The following TMEM135 variants were observed in gnomAD, a reference collection of about 807,000 sequenced individuals.
The protein encoded by TMEM135 is peroxisomal membrane protein 52.
A neutral mutation model predicts 60.3 loss-of-function variants in TMEM135; 30 were observed. The observed-to-expected ratio is 0.50, with a 90% CI of 0.37 to 0.68. The LOEUF is 0.68. Among genes scored for constraint, TMEM135 ranks in the 30% least tolerant of loss-of-function variants. The probability of loss-of-function intolerance (pLI) is 0.00; values close to 1 mark genes in which losing one functional copy is unlikely to be tolerated. For synonymous variants in TMEM135, 190 were observed against 186.7 expected (o/e 1.02, Z -0.14); for missense variants, 468 against 548.8 (o/e 0.85, Z 1.47).
At chr11:87,114,827 T>G (rs2512337) in intron 4 of TMEM135, among the ~76,000 whole-genome samples, 3 of 151,908 alleles carry the variant, frequency 2.0e-5, no homozygotes, top group African/African-American at 7.3e-5. Flanking sequence ...TTGGAAATAA[T>G]TGTACACACT....
At chr11:87,073,247 A>T (rs1856805178) in intron 3 of TMEM135, among the ~76,000 whole-genome samples, 1 of 151,728 alleles carries the variant, frequency 6.6e-6, no homozygotes, top group African/African-American at 2.4e-5. Flanking sequence ...GTTGGCCAGT[A>T]TGGTCTTGAT....
chr11:87,103,795 A>G (rs1366643904), intron 4 of TMEM135, among the ~76,000 whole-genome samples: 1 of 151,982 alleles, frequency 6.6e-6, no homozygotes, highest in Non-Finnish European at 1.5e-5. Context: ...AGCTGGGACT[A>G]CAGCGCATGT....
intron 6 of TMEM135, among the ~76,000 whole-genome samples, chr11:87,265,246 A>G (rs1013039824): frequency 9.9e-5 from 15 of 152,060 alleles, no homozygotes; most frequent in Admixed American, 3.9e-4. Context: ...GGTTGTGATG[A>G]TTTTGGAATC....
chr11:87,049,621 C>G lies in TMEM135; in HGVS notation c.141+11435C>G, dbSNP rs1299003841. Among the ~76,000 whole-genome samples, 26 of 119,746 alleles carry G rather than the reference C, an allele frequency of 2.2e-4. 3 individuals are homozygous for G. The highest frequency in any genetic ancestry group is 1.3e-3 in the Admixed American group (16 of 12,004). The allele number at this position is 119,746 out of a possible 152,430, so 78.6% of individuals were successfully genotyped here. On this transcript the variant is annotated intron_variant, in intron 1 of 14. Coordinates refer to ENST00000305494, the MANE Select transcript of TMEM135 (RefSeq NM_022918.4). ...AATTCAACAAGAGAAGCTAACTATC[C>G]TAAATATTTATGCACCCAATACAGG... is the stretch of plus-strand genomic sequence containing the variant.
chr11:87,065,521 T>G (rs1426262540), intron 1 of TMEM135, among the ~76,000 whole-genome samples: 1 of 152,206 alleles, frequency 6.6e-6, no homozygotes, highest in Non-Finnish European at 1.5e-5. Context: ...GTTGTTTGCT[T>G]TTTATTGTTG....
In TMEM135 at chr11:87,191,985, TTC is replaced by T. The variant is rs1164678978; in HGVS notation, c.462+34581_462+34582del. On this transcript the variant is annotated intron_variant, in intron 5 of 14. Coordinates refer to ENST00000305494, the MANE Select transcript of TMEM135 (RefSeq NM_022918.4). Reference sequence around the variant, plus strand: ...TTTCTTTTGTTTCTTTTCTTTTCTTTTCTTTTTTTTTTTTTTTTTTCGAGATG... The same window carrying T: ...TTTCTTTTGTTTCTTTTCTTTTCTTTTTTTTTTTTTTTTTTTTTCGAGATG... Among the ~76,000 whole-genome samples, 15 of 122,024 alleles carry T rather than the reference TTC, an allele frequency of 1.2e-4. 1 individual carries two copies. The highest frequency in any genetic ancestry group is 3.0e-4 in the African/African-American group (9 of 30,306). The allele number at this position is 122,024 out of a possible 152,430, so 80.1% of individuals were successfully genotyped here. A position where few individuals can be genotyped will look rare whatever the true frequency, so the allele number is the denominator to read the frequency against.
At chr11:87,118,184 A>G (rs1857939176) in intron 4 of TMEM135, among the ~76,000 whole-genome samples, 1 of 152,174 alleles carries the variant, frequency 6.6e-6, no homozygotes, top group Admixed American at 6.5e-5. Flanking sequence ...GAACATGGGC[A>G]GAGTAGATTT....
At chr11:87,246,884 A>G (rs11494282) in intron 6 of TMEM135, among the ~76,000 whole-genome samples, 63,128 of 107,378 alleles carry the variant, frequency 0.59, 20,339 homozygotes, top group Middle Eastern at 0.68. Flanking sequence ...ACGTTGTTCC[A>G]TTGCTGGTGA....
At chr11:87,210,490 G>T (rs301590) in intron 5 of TMEM135, among the ~76,000 whole-genome samples, 1 of 152,012 alleles carries the variant, frequency 6.6e-6, no homozygotes, top group Non-Finnish European at 1.5e-5. Context: ...TGAACATACT[G>T]ATGATGAGTT....
chr11:87,300,819 T>C (rs779015195), intron 7 of TMEM135, among the ~76,000 whole-genome samples: 4 of 152,190 alleles, frequency 2.6e-5, no homozygotes, highest in Non-Finnish European at 5.9e-5. Context: ...TGGCAGTTCA[T>C]TGGGCTCTCC....
At chr11:87,151,129 T>TA (rs747118359) in intron 4 of TMEM135, among the ~76,000 whole-genome samples, 5 of 152,102 alleles carry the variant, frequency 3.3e-5, no homozygotes, top group Admixed American at 1.3e-4. Flanking sequence ...TGTGAGTCTC[T>TA]AAAAAATCAC....
At chr11:87,281,670 A>C (rs966032115) in intron 6 of TMEM135, among the ~76,000 whole-genome samples, 2 of 152,186 alleles carry the variant, frequency 1.3e-5, no homozygotes, top group South Asian at 4.1e-4. Flanking sequence ...CCCTGGAGAA[A>C]CTTTATACTT....
At chr11:87,182,822 C>G (rs1435001881) in intron 5 of TMEM135, among the ~76,000 whole-genome samples, 1 of 151,766 alleles carries the variant, frequency 6.6e-6, no homozygotes, top group African/African-American at 2.4e-5. Context: ...TTAAATTTTT[C>G]TCTTGAATAT....
intron 5 of TMEM135, among the ~76,000 whole-genome samples, chr11:87,221,949 G>C (rs1172468303): frequency 6.6e-6 from 1 of 152,076 alleles, no homozygotes; most frequent in Non-Finnish European, 1.5e-5. Context: ...TGTAATCCCA[G>C]AACTTTGGGA....
chr11:87,246,834 A>G (rs1290000880), intron 6 of TMEM135, among the ~76,000 whole-genome samples: 1 of 109,420 alleles, frequency 9.1e-6, no homozygotes, highest in Non-Finnish European at 2.1e-5. Context: ...GATTGTCTGA[A>G]GGCTTCTTCT....
chr11:87,058,576 C>T (rs1949915838), intron 1 of TMEM135, among the ~76,000 whole-genome samples: 1 of 151,934 alleles, frequency 6.6e-6, no homozygotes, highest in African/African-American at 2.4e-5. Context: ...AGTGATCCAC[C>T]CGCCTTGGCC....
intron 4 of TMEM135, among the ~76,000 whole-genome samples, chr11:87,138,475 G>T (rs1938169777): frequency 6.6e-6 from 1 of 151,240 alleles, no homozygotes; most frequent in African/African-American, 2.4e-5. Context: ...GGAAATATTT[G>T]TTCATACTTT....
At chr11:87,076,180 G>A (rs1308149043) in intron 3 of TMEM135, among the ~76,000 whole-genome samples, 1 of 152,154 alleles carries the variant, frequency 6.6e-6, no homozygotes, top group East Asian at 1.9e-4. Context: ...TGGGAGCCAG[G>A]GATAGGAGTA....
In TMEM135 at chr11:87,260,181, A is replaced by G. The variant is rs151257664; in HGVS notation, c.509+23497A>G. ...ACAGTGGAAAACAATTGAGCTTATCAGGTTAGATTTCTTTTATTATCACAA... is the reference window on the plus strand; with the variant it reads ...ACAGTGGAAAACAATTGAGCTTATCGGGTTAGATTTCTTTTATTATCACAA... On this transcript the variant is annotated intron_variant, in intron 6 of 14. Transcript: ENST00000305494. 7.7e-3 allele frequency among the ~76,000 whole-genome samples: 1,170 copies of G among 152,368 alleles called. 9 individuals are homozygous for G. Among genetic ancestry groups the G allele is most frequent in the Middle Eastern group, 0.014 (4 of 294 alleles).
Sources: allele counts gnomAD v4.1 joint callset (sites outside exome capture counted in the v4.1 genomes callset), GRCh38; gene constraint gnomAD v4.1.1; transcripts MANE v1.5; gene names NCBI Gene and HGNC (gene_info 2026-07-23, HGNC 2026-07-21).